The following PRRG4 variants were observed in gnomAD, a reference collection of about 807,000 sequenced individuals.
PRRG4 encodes proline rich and Gla domain 4, also known as transmembrane gamma-carboxyglutamic acid protein 4.
PRRG4 carries 12 observed loss-of-function variants against 20.0 expected under a neutral mutation model. The observed-to-expected ratio is 0.60, with a 90% confidence interval of 0.38 to 0.97. The LOEUF (loss-of-function observed/expected upper bound fraction) is 0.97, where lower values mean the gene tolerates loss of function less well. Among genes scored for constraint, PRRG4 ranks in the 50% least tolerant of loss-of-function variants. The pLI is 0.00. For synonymous variants in PRRG4, 94 were observed against 96.4 expected (o/e 0.98, Z 0.15); for missense variants, 199 against 265.1 (o/e 0.75, Z 1.73).
In PRRG4 at chr11:32,857,567, A is replaced by G. The variant is rs1851237011; in HGVS notation, c.*4040A>G. The G allele has an allele frequency of 6.6e-6, 1 of 152,232 alleles. No individual in the cohort carries two copies. Among genetic ancestry groups the G allele is most frequent in the Non-Finnish European group, 1.5e-5 (1 of 68,040 alleles). 9.4% of individuals were successfully genotyped at this position (152,232 alleles called of 1,614,324 possible). A position where few individuals can be genotyped will look rare whatever the true frequency, so the allele number is the denominator to read the frequency against. On this transcript the variant is annotated 3_prime_UTR_variant, in exon 6 of 6. Coordinates refer to ENST00000257836, the MANE Select transcript of PRRG4 (RefSeq NM_024081.6). ...GTCTTAGGTTTCAAGTTTGCCTCTA[A>G]AATTCTAATCCATATTTTTCTACTT...
chr11:32,845,470 A>G (rs11032016), intron 5 of PRRG4, among the ~76,000 whole-genome samples: 1,570 of 152,158 alleles, frequency 0.01, 26 homozygotes, highest in African/African-American at 0.036. Context: ...CTAAAAATAA[A>G]AATAAAAAAA....
chr11:32,830,818 A>G (rs573712186), intron 2 of PRRG4, among the ~76,000 whole-genome samples, 186 bp downstream of exon 2: 1 of 152,280 alleles, frequency 6.6e-6, no homozygotes, highest in African/African-American at 2.4e-5. Context: ...ATAGAATTTG[A>G]TGTCTGTGAG....
chr11:32,830,988 G>C (rs918466407), intron 2 of PRRG4, among the ~76,000 whole-genome samples: 1 of 152,166 alleles, frequency 6.6e-6, no homozygotes, highest in South Asian at 2.1e-4. Context: ...GGCGAACGGG[G>C]AGTCCAGGAT....
intron 5 of PRRG4, among the ~76,000 whole-genome samples, chr11:32,846,792 G>T (rs1219987873): frequency 1.3e-5 from 2 of 152,098 alleles, no homozygotes; most frequent in African/African-American, 2.4e-5. Context: ...GAGGTCAAGA[G>T]ATTGAGACCA....
chr11:32,845,732 G>C (rs931166711), intron 5 of PRRG4, among the ~76,000 whole-genome samples: 1 of 152,092 alleles, frequency 6.6e-6, no homozygotes, highest in Non-Finnish European at 1.5e-5. Flanking sequence ...GCGGACATGG[G>C]TTTTAGAGGA....
chr11:32,851,137 A>G (rs972110727), intron 5 of PRRG4, among the ~76,000 whole-genome samples: 1 of 152,074 alleles, frequency 6.6e-6, no homozygotes, highest in African/African-American at 2.4e-5. Flanking sequence ...TAGTTCCTAT[A>G]TTTTGTGGAG....
At chr11:32,838,414 C>T (rs1336140615) in intron 3 of PRRG4, among the ~76,000 whole-genome samples, 1 of 151,850 alleles carries the variant, frequency 6.6e-6, no homozygotes, top group East Asian at 1.9e-4. Context: ...CATGATCACA[C>T]CACTGCACTC....
rs372321215 is a variant in PRRG4 at position 32,857,152 on chromosome 11, CT to C, written c.*3641del. 0.034 allele frequency: 4,542 copies of C among 132,126 alleles called. 70 individuals are homozygous for C. The highest frequency in any genetic ancestry group is 0.042 in the South Asian group (171 of 4,068). The allele number at this position is 132,126 out of a possible 1,614,324, so 8.2% of individuals were successfully genotyped here. A position where few individuals can be genotyped will look rare whatever the true frequency, so the allele number is the denominator to read the frequency against. On this transcript the variant is annotated 3_prime_UTR_variant, in exon 6 of 6. Coordinates refer to ENST00000257836, the MANE Select transcript of PRRG4 (RefSeq NM_024081.6). ...GGACTGCTGTGTCAAAGTTTTGCAT[CT>C]TTTTTTTTTTTTTTTCCAGAAGGAG...
At chr11:32,842,617 G>T (rs1851089268) in intron 5 of PRRG4, among the ~76,000 whole-genome samples, 1 of 151,932 alleles carries the variant, frequency 6.6e-6, no homozygotes, top group Non-Finnish European at 1.5e-5. Flanking sequence ...CTACTCGGGA[G>T]GCTGAGGCAG....
Position 32,836,648 on chromosome 11 carries a change from A to T in PRRG4, c.104-10A>T. On this transcript the variant is annotated splice_polypyrimidine_tract_variant and intron_variant, in intron 2 of 5. Coordinates refer to ENST00000257836, the MANE Select transcript of PRRG4 (RefSeq NM_024081.6). ...GATCAATGTTTAAGTCTTTTTCATT[A>T]CTTTATTAGTGTTTACATCAAAAGA... The T allele has an allele frequency of 6.8e-7, 1 of 1,465,676 alleles. No homozygotes were observed. Among genetic ancestry groups the T allele is most frequent in the Non-Finnish European group, 9.4e-7 (1 of 1,064,952 alleles). 90.8% of individuals were successfully genotyped at this position (1,465,676 alleles called of 1,614,324 possible). A position where few individuals can be genotyped will look rare whatever the true frequency, so the allele number is the denominator to read the frequency against.
intron 3 of PRRG4, 45 bp from the exon 4 acceptor site, chr11:32,838,837 T>C: frequency 7.1e-7 from 1 of 1,402,860 alleles, no homozygotes; most frequent in African/African-American, 1.4e-5. Flanking sequence ...TGAAATGTGA[T>C]AATAAAGATA....
At chr11:32,847,695 A>G (rs1046039993) in intron 5 of PRRG4, among the ~76,000 whole-genome samples, 1 of 152,244 alleles carries the variant, frequency 6.6e-6, no homozygotes, top group African/African-American at 2.4e-5. Flanking sequence ...ATACTTGTAC[A>G]CCAATGTCCA....
rs1185212232 is a variant in PRRG4 at position 32,830,538 on chromosome 11, G to A, written c.9G>A (p.Thr3=). Residue 3 remains threonine, a synonymous_variant, in exon 2 of 6, where the codon ACG becomes ACA. Transcript: ENST00000257836. MF[T]LLVLLSQLPT... is the part of the protein sequence containing the mutation. Reference sequence around the variant, plus strand: ...TTGACAGTTGCCAGACTATGTTTACGCTTCTGGTTCTACTCAGCCAACTGC... The same window carrying A: ...TTGACAGTTGCCAGACTATGTTTACACTTCTGGTTCTACTCAGCCAACTGC... 1 of 1,573,260 alleles carries A rather than the reference G, an allele frequency of 6.4e-7. No individual in the cohort carries two copies. Among genetic ancestry groups the A allele is most frequent in the East Asian group, 2.3e-5 (1 of 44,110 alleles).
chr11:32,857,306 A>G lies in PRRG4; in HGVS notation c.*3779A>G, dbSNP rs1358497191. On this transcript the variant is annotated 3_prime_UTR_variant, in exon 6 of 6. Coordinates refer to ENST00000257836, the MANE Select transcript of PRRG4 (RefSeq NM_024081.6). ...AGCTGCATTACAGGCACCTGCCAGC[A>G]CGCCTTGCAAATTTTTGTATTTTTA... The G allele has an allele frequency of 2.6e-5, 4 of 151,796 alleles. No individual in the cohort carries two copies. The highest frequency in any genetic ancestry group is 5.9e-5 in the Non-Finnish European group (4 of 68,094). The allele number at this position is 151,796 out of a possible 1,614,324, so 9.4% of individuals were successfully genotyped here. A position where few individuals can be genotyped will look rare whatever the true frequency, so the allele number is the denominator to read the frequency against.
At chr11:32,839,606 TTAAA>T (rs942689120) in intron 4 of PRRG4, among the ~76,000 whole-genome samples, 6 of 148,954 alleles carry the variant, frequency 4.0e-5, no homozygotes, top group East Asian at 1.9e-4. Flanking sequence ...TAAATAATTT[TTAAA>T]TAAATAAATT....
chr11:32,839,856 A>ATT (rs1851061242), intron 4 of PRRG4, among the ~76,000 whole-genome samples: 3 of 146,934 alleles, frequency 2.0e-5, no homozygotes, highest in Admixed American at 1.4e-4. Context: ...TAAATATTTA[A>ATT]AAAATATATA....
At chr11:32,851,314 A>C (rs1490494444) in intron 5 of PRRG4, among the ~76,000 whole-genome samples, 1 of 152,228 alleles carries the variant, frequency 6.6e-6, no homozygotes, top group African/African-American at 2.4e-5. Context: ...GTCAACATGT[A>C]AAAATTTATT....
At chr11:32,849,579 G>A (rs745912530) in intron 5 of PRRG4, among the ~76,000 whole-genome samples, 8 of 152,082 alleles carry the variant, frequency 5.3e-5, no homozygotes, top group Non-Finnish European at 8.8e-5. Flanking sequence ...CAGGAGAAAC[G>A]CTTGAACCCA....
chr11:32,845,972 T>G (rs969754617), intron 5 of PRRG4, among the ~76,000 whole-genome samples: 3 of 151,826 alleles, frequency 2.0e-5, no homozygotes, highest in African/African-American at 4.8e-5. Flanking sequence ...CTGGGCAACA[T>G]GATAAAACCC....
Sources: gnomAD v4.1 joint callset for allele counts (sites outside exome capture counted in the v4.1 genomes callset) on GRCh38, gnomAD v4.1.1 for gene constraint, MANE v1.5 for transcripts, NCBI Gene and HGNC (gene_info 2026-07-23, HGNC 2026-07-21) for gene names.